The following FAF1 variants were observed in gnomAD, a reference collection of about 807,000 sequenced individuals.
FAF1 encodes Fas associated factor 1.
Under a neutral mutation model 92.5 loss-of-function variants are expected in FAF1, and 25 were observed. The ratio of observed to expected loss-of-function variants is 0.27; its 90% confidence interval spans 0.20 to 0.38. The LOEUF (loss-of-function observed/expected upper bound fraction) is 0.38, where lower values mean the gene tolerates loss of function less well. Among genes scored for constraint, FAF1 ranks in the 10% least tolerant of loss-of-function variants. FAF1 has a pLI of 1.00. For synonymous variants in FAF1, 234 were observed against 273.2 expected, an observed-to-expected ratio of 0.86 and a Z score of 1.42; for missense variants, 636 against 793.3, an observed-to-expected ratio of 0.80 and a Z score of 2.38.
intron 13 of FAF1, among the ~76,000 whole-genome samples, chr1:50,556,550 A>C (rs1271686814): frequency 6.6e-6 from 1 of 152,082 alleles, no homozygotes; most frequent in Non-Finnish European, 1.5e-5. Context: ...TTAAAAAGAA[A>C]ATTGGCCAGG....
chr1:50,843,594 C>G (rs935973738), intron 2 of FAF1, among the ~76,000 whole-genome samples: 6 of 152,072 alleles, frequency 3.9e-5, no homozygotes, highest in African/African-American at 1.4e-4. Flanking sequence ...TCAATGAGAT[C>G]AACCTTTTTA....
chr1:50,491,050 T>A (rs2149009043), intron 16 of FAF1, among the ~76,000 whole-genome samples: 1 of 152,304 alleles, frequency 6.6e-6, no homozygotes, highest in African/African-American at 2.4e-5. Context: ...GGACCCTTGA[T>A]GCTAGCTTAT....
chr1:50,476,005 T>C (rs1646635839), intron 17 of FAF1, among the ~76,000 whole-genome samples: 1 of 152,146 alleles, frequency 6.6e-6, no homozygotes, highest in Non-Finnish European at 1.5e-5. Flanking sequence ...AATACCCAAT[T>C]GATACCTTTC....
intron 8 of FAF1, among the ~76,000 whole-genome samples, chr1:50,616,232 T>C (rs895206877): frequency 6.6e-6 from 1 of 152,220 alleles, no homozygotes; most frequent in African/African-American, 2.4e-5. Context: ...TTTGTATCAA[T>C]ACCATGCTAT....
intron 1 of FAF1, among the ~76,000 whole-genome samples, chr1:50,951,553 AT>A (rs1645214334): frequency 6.6e-6 from 1 of 152,240 alleles, no homozygotes; most frequent in Non-Finnish European, 1.5e-5. Flanking sequence ...TAGGGCTGTG[AT>A]TTAAATACAA....
intron 1 of FAF1, among the ~76,000 whole-genome samples, chr1:50,951,622 T>A (rs555220779): frequency 6.6e-6 from 1 of 152,176 alleles, no homozygotes; most frequent in African/African-American, 2.4e-5. Context: ...TAATTCTACA[T>A]GCAAAAACCT....
chr1:50,821,936 G>A (rs562652965), intron 2 of FAF1, among the ~76,000 whole-genome samples: 2 of 151,932 alleles, frequency 1.3e-5, no homozygotes, highest in African/African-American at 2.4e-5. Context: ...TACGGTCACC[G>A]AAATGCTCTA....
chr1:50,945,772 C>A (rs2124757853), intron 1 of FAF1, among the ~76,000 whole-genome samples: 1 of 152,326 alleles, frequency 6.6e-6, no homozygotes, highest in Admixed American at 6.5e-5. Context: ...AGGCCATTAG[C>A]AACAGGCAAA....
At chr1:50,900,658 C>G (rs1284916832) in intron 1 of FAF1, among the ~76,000 whole-genome samples, 1 of 152,126 alleles carries the variant, frequency 6.6e-6, no homozygotes, top group African/African-American at 2.4e-5. Flanking sequence ...ATAAATTAAG[C>G]AACAAGCTCA....
At chr1:50,588,799 G>C (rs1301984189) in intron 9 of FAF1, among the ~76,000 whole-genome samples, 2 of 152,178 alleles carry the variant, frequency 1.3e-5, no homozygotes, top group African/African-American at 4.8e-5. Context: ...AACAATGAAG[G>C]CCAGAGCCAG....
chr1:50,805,559 T>TGC, intron 2 of FAF1, among the ~76,000 whole-genome samples: 1 of 152,280 alleles, frequency 6.6e-6, no homozygotes, highest in Non-Finnish European at 1.5e-5. Flanking sequence ...TCTATAAATC[T>TGC]CATTGTAACA....
intron 7 of FAF1, among the ~76,000 whole-genome samples, chr1:50,659,672 C>CA (rs1254643401): frequency 2.0e-5 from 3 of 151,916 alleles, no homozygotes; most frequent in Admixed American, 6.6e-5. Context: ...GCAAATGTTT[C>CA]AATTAGTTCA....
rs569327000 is a variant in FAF1, at chr1:50,582,603, T to C, written c.1113+15A>G. On this transcript the variant is annotated intron_variant, in intron 12 of 18. Coordinates refer to ENST00000396153, the MANE Select transcript of FAF1 (RefSeq NM_007051.3). ...GGATGCACTTTTTAATCAGAAAAGGTCAAACTGTACTTACATCTCGGGCTT... is the reference window on the plus strand; with the variant it reads ...GGATGCACTTTTTAATCAGAAAAGGCCAAACTGTACTTACATCTCGGGCTT... 6.4e-7 allele frequency: 1 copy of C among 1,573,668 alleles called. No homozygotes were observed. Among genetic ancestry groups the C allele is most frequent in the Non-Finnish European group, 8.7e-7 (1 of 1,143,376 alleles).
intron 15 of FAF1, among the ~76,000 whole-genome samples, chr1:50,494,041 C>T (rs1347787629): frequency 6.6e-6 from 1 of 152,230 alleles, no homozygotes; most frequent in Admixed American, 6.5e-5. Context: ...TTACTCACAG[C>T]TCTCTCTGAC....
rs560926295 is a variant in FAF1 at position 50,758,306 on chromosome 1, G to A, written c.368-13531C>T. On this transcript the variant is annotated intron_variant, in intron 4 of 18. Coordinates refer to ENST00000396153, the MANE Select transcript of FAF1 (RefSeq NM_007051.3). Reference sequence around the variant, plus strand: ...TGACCTCAAGTGATCCACCTGCCTCGGCCTCCCAAAATGCTGGGATTAAAG... The same window carrying A: ...TGACCTCAAGTGATCCACCTGCCTCAGCCTCCCAAAATGCTGGGATTAAAG... 3.3e-5 allele frequency among the ~76,000 whole-genome samples: 5 copies of A among 152,100 alleles called. No individual in the cohort carries two copies. The South Asian group carries it at 6.2e-4, about 19-fold the overall frequency.
chr1:50,750,726 T>A (rs1659828431), intron 4 of FAF1, among the ~76,000 whole-genome samples: 1 of 150,964 alleles, frequency 6.6e-6, no homozygotes, highest in South Asian at 2.1e-4. Flanking sequence ...TGGGTTCAAG[T>A]GATTTTCCTG....
intron 7 of FAF1, among the ~76,000 whole-genome samples, chr1:50,667,810 A>G (rs1053581813): frequency 6.6e-6 from 1 of 152,254 alleles, no homozygotes; most frequent in African/African-American, 2.4e-5. Context: ...TTGCTTCTAC[A>G]GCAAGCTTCA....
At chr1:50,523,720 T>C (rs1275019616) in intron 15 of FAF1, among the ~76,000 whole-genome samples, 1 of 152,186 alleles carries the variant, frequency 6.6e-6, no homozygotes, top group Non-Finnish European at 1.5e-5. Flanking sequence ...CTGTGGGTTA[T>C]CTCATTCTTT....
At chr1:50,867,002 T>G (rs1033506906) in intron 1 of FAF1, among the ~76,000 whole-genome samples, 1 of 152,060 alleles carries the variant, frequency 6.6e-6, no homozygotes, top group Non-Finnish European at 1.5e-5. Context: ...TATAGACCAA[T>G]GCAACAGAAT....
Sources: allele counts gnomAD v4.1 joint callset (sites outside exome capture counted in the v4.1 genomes callset), GRCh38; gene constraint gnomAD v4.1.1; transcripts MANE v1.5; gene names NCBI Gene and HGNC (gene_info 2026-07-23, HGNC 2026-07-21).